The following TIPIN variants were observed in gnomAD, a reference collection of about 807,000 sequenced individuals.
TIPIN encodes TIMELESS interacting protein.
A neutral mutation model predicts 35.6 loss-of-function variants in TIPIN; 29 were observed. The ratio of observed to expected loss-of-function variants is 0.82; its 90% CI spans 0.61 to 1.11. The LOEUF (loss-of-function observed/expected upper bound fraction) is 1.11, where lower values mean the gene tolerates loss of function less well. TIPIN is among the 50% of genes most tolerant of loss of function. TIPIN has a pLI of 0.00. For missense variants in TIPIN, 296 were observed against 345.4 expected, an observed-to-expected ratio of 0.86 and a Z score of 1.13; for synonymous variants, 102 against 121.5, an observed-to-expected ratio of 0.84 and a Z score of 1.06.
chr15:66,364,150 TTTC>T (rs1482031043), intron 1 of TIPIN, among the ~76,000 whole-genome samples: 1 of 146,270 alleles, frequency 6.8e-6, no homozygotes, highest in Non-Finnish European at 1.5e-5. Flanking sequence ...TAGAGAAATC[TTTC>T]TTTTCTTTTT....
chr15:66,384,940 A>ACC (rs201119208), intron 1 of TIPIN, among the ~76,000 whole-genome samples: 1 of 151,142 alleles, frequency 6.6e-6, no homozygotes, highest in Non-Finnish European at 1.5e-5. Flanking sequence ...AAACAAAAAC[A>ACC]CCCCCCCAAA....
chr15:66,341,511 G>GA (rs2093087133), intron 6 of TIPIN, among the ~76,000 whole-genome samples, 155 bp from the exon 7 acceptor site: 5,483 of 6,708 alleles, frequency 0.82, 2,524 homozygotes, highest in Middle Eastern at 1. Context: ...GCTCACGCCT[G>GA]TAATCCCAGC....
chr15:66,371,101 C>T (rs372227513), intron 1 of TIPIN: 1 of 384,562 alleles, frequency 2.6e-6, no homozygotes, highest in Non-Finnish European at 3.6e-6. Flanking sequence ...ATACCAGCTA[C>T]TCGGAAGGCT....
At chr15:66,385,273 C>T (rs2093332887) in intron 1 of TIPIN, among the ~76,000 whole-genome samples, 1 of 152,210 alleles carries the variant, frequency 6.6e-6, no homozygotes. Flanking sequence ...AGGTCACCAA[C>T]ACCTGGCTGT....
intron 1 of TIPIN, among the ~76,000 whole-genome samples, chr15:66,381,981 C>G (rs1192690496): frequency 6.6e-6 from 1 of 152,088 alleles, no homozygotes; most frequent in East Asian, 1.9e-4. Context: ...AGGAGAACCG[C>G]TTGAACCTGG....
chr15:66,340,422 C>T (rs2140440530), intron 7 of TIPIN, among the ~76,000 whole-genome samples: 1 of 151,210 alleles, frequency 6.6e-6, no homozygotes, highest in Middle Eastern at 3.4e-3. Flanking sequence ...GGGTGATGGC[C>T]CACTTTGGCC....
At chr15:66,346,402 T>A in intron 6 of TIPIN, among the ~76,000 whole-genome samples, 1 of 152,040 alleles carries the variant, frequency 6.6e-6, no homozygotes. Context: ...TCTTTTTAAT[T>A]TCTTTTTTCT....
intron 1 of TIPIN, among the ~76,000 whole-genome samples, chr15:66,372,749 A>C (rs181982990): frequency 6.3e-4 from 96 of 152,212 alleles, no homozygotes; most frequent in African/African-American, 2.3e-3. Flanking sequence ...CTAAGAATAC[A>C]AAAATTAGCC....
rs1398119756 is a variant in TIPIN, at chr15:66,346,328, AG to A, written c.475+2731del. 2.7e-5 allele frequency among the ~76,000 whole-genome samples: 4 copies of A among 150,874 alleles called. No homozygotes were observed. In the South Asian group the frequency reaches 8.4e-4, roughly 32 times the overall value. On this transcript the variant is annotated intron_variant, in intron 6 of 7. Coordinates refer to ENST00000261881, the MANE Select transcript of TIPIN (RefSeq NM_017858.3). Reference sequence around the variant, plus strand: ...TCCAAGTTAATTTACACCTCTGCATAGATGGCTCCCCCATTCAAAATCACCT... The same window carrying A: ...TCCAAGTTAATTTACACCTCTGCATAATGGCTCCCCCATTCAAAATCACCT...
chr15:66,371,280 C>G, intron 1 of TIPIN: 1 of 984,540 alleles, frequency 1.0e-6, no homozygotes, highest in Non-Finnish European at 1.2e-6. Flanking sequence ...TCCCTCCCCT[C>G]AACTAATAAG....
At chr15:66,365,864 CT>C (rs376137066) in intron 1 of TIPIN, among the ~76,000 whole-genome samples, 2,114 of 152,056 alleles carry the variant, frequency 0.014, 26 homozygotes, top group South Asian at 0.041. Flanking sequence ...TATTAGTTTA[CT>C]TTTTTTACTT....
Position 66,349,394 on chromosome 15 carries a change from G to C in TIPIN, c.332C>G (p.Ala111Gly), listed in dbSNP as rs2063690. The change falls in exon 5 of 8, where the codon GCA becomes GGA. Residue 111 changes from alanine to glycine, a missense_variant. Coordinates refer to ENST00000261881, the MANE Select transcript of TIPIN (RefSeq NM_017858.3). Reference protein sequence around the residue: ...KMLIRHMEHWAHRLFPKLQFE... With the variant: ...KMLIRHMEHWGHRLFPKLQFE... ...CTGCAGTTTAGGGAATAGCCTATGT[G>C]CCCAGTGCTCCATGTGTCTGATTAG... 155,872 of 1,613,398 alleles carry C rather than the reference G, an allele frequency of 0.097. 9,765 individuals carry two copies. Among genetic ancestry groups the C allele is most frequent in the East Asian group, 0.36 (16,346 of 44,846 alleles).
At chr15:66,367,009 C>G (rs1446035076) in intron 1 of TIPIN, 1 of 367,474 alleles carries the variant, frequency 2.7e-6, no homozygotes, top group African/African-American at 2.2e-5. Flanking sequence ...GACGAAACAC[C>G]GTCTCTACTA....
chr15:66,377,065 G>A (rs1339568920), intron 1 of TIPIN, among the ~76,000 whole-genome samples: 2 of 136,512 alleles, frequency 1.5e-5, no homozygotes, highest in Non-Finnish European at 3.0e-5. Context: ...CCGAGACCAG[G>A]CTACTGCACT....
intron 1 of TIPIN, among the ~76,000 whole-genome samples, chr15:66,362,943 G>A (rs141738047): frequency 6.6e-6 from 1 of 152,200 alleles, no homozygotes; most frequent in Non-Finnish European, 1.5e-5. Context: ...ACATATACTT[G>A]CCCCCACCTG....
intron 1 of TIPIN, among the ~76,000 whole-genome samples, chr15:66,373,864 G>T (rs2093286423): frequency 6.6e-6 from 1 of 151,728 alleles, no homozygotes; most frequent in South Asian, 2.1e-4. Context: ...CATTACACCT[G>T]GCTAATTTTT....
upstream of TIPIN, among the ~76,000 whole-genome samples, chr15:66,360,474 T>C (rs930688564): frequency 5.6e-4 from 1 of 1,774 alleles, no homozygotes; most frequent in Non-Finnish European, 4.4e-3. Context: ...GTAAAGATTT[T>C]GTTAACTGTT....
intron 3 of TIPIN, 89 bp downstream of exon 3, chr15:66,352,040 C>T: frequency 8.9e-7 from 1 of 1,129,688 alleles, no homozygotes. Flanking sequence ...AGCTCCACAT[C>T]ATACCAACCA....
chr15:66,365,669 C>T lies in TIPIN; in HGVS notation c.-8-12714G>A, dbSNP rs570711876. 4.6e-5 allele frequency among the ~76,000 whole-genome samples: 7 copies of T among 152,276 alleles called. 1 individual carries two copies. The South Asian group carries it at 1.5e-3, about 32-fold the overall frequency. On this transcript the variant is annotated intron_variant, in intron 1 of 7. Transcript: ENST00000562124. Reference sequence around the variant, plus strand: ...TCAAGCAATTCTCTTGCCTCAGCCTCCTGAGTAGCTGGGATTACAGGTGCG... The same window carrying T: ...TCAAGCAATTCTCTTGCCTCAGCCTTCTGAGTAGCTGGGATTACAGGTGCG...
Sources: gnomAD v4.1 joint callset for allele counts (sites outside exome capture counted in the v4.1 genomes callset) on GRCh38, gnomAD v4.1.1 for gene constraint, MANE v1.5 for transcripts, NCBI Gene and HGNC (gene_info 2026-07-23, HGNC 2026-07-21) for gene names.